The following NCS1 variants were observed in gnomAD, a reference collection of about 807,000 sequenced individuals.
NCS1 encodes the protein frequenin homolog.
Under a neutral mutation model 28.4 loss-of-function variants are expected in NCS1, and 6 were observed. The ratio of observed to expected loss-of-function variants is 0.21; its 90% confidence interval spans 0.12 to 0.42. The LOEUF is 0.42. Among genes scored for constraint, NCS1 ranks in the 10% least tolerant of loss-of-function variants. The probability of loss-of-function intolerance (pLI) is 1.00; values close to 1 mark genes in which losing one functional copy is unlikely to be tolerated. For missense variants in NCS1, 131 were observed against 241.4 expected (o/e 0.54, Z 3.03); for synonymous variants, 86 against 99.3 (o/e 0.87, Z 0.79).
At chr9:130,225,395 A>C (rs1175836158) in intron 6 of NCS1, among the ~76,000 whole-genome samples, 1 of 152,250 alleles carries the variant, frequency 6.6e-6, no homozygotes, top group Non-Finnish European at 1.5e-5. Flanking sequence ...TAATGATCAA[A>C]AGATTTATCG....
At chr9:130,198,741 C>T (rs962627060) in intron 1 of NCS1, among the ~76,000 whole-genome samples, 10 of 152,172 alleles carry the variant, frequency 6.6e-5, no homozygotes, top group Admixed American at 6.5e-4. Context: ...AGCAATTTGC[C>T]CAAGGACACA....
At chr9:130,225,942 G>A (rs1283016486) in intron 6 of NCS1, among the ~76,000 whole-genome samples, 15 of 152,102 alleles carry the variant, frequency 9.9e-5, no homozygotes, top group Admixed American at 9.2e-4. Context: ...GCCCCCTGCC[G>A]GGTCTCCCAG....
Position 130,191,469 on chromosome 9 carries a change from C to T in NCS1, c.65-9489C>T, listed in dbSNP as rs73545520. 5.7e-3 allele frequency among the ~76,000 whole-genome samples: 868 copies of T among 152,310 alleles called. 8 individuals are homozygous for T. The highest frequency in any genetic ancestry group is 0.019 in the African/African-American group (796 of 41,578). The stretch of plus-strand genomic sequence containing the variant: ...AGCCTTCCTCCCACCAGCCCGGAGG[C>T]TCTGGCATCTTTTACATGGAGGCGA... On this transcript the variant is annotated intron_variant, in intron 1 of 7. Transcript: ENST00000372398. This position sits in a 1 kb window ranked among gnomAD's most constrained non-coding sequence, Gnocchi z 6.4.
At chr9:130,183,309 G>T (rs797037927) in intron 1 of NCS1, among the ~76,000 whole-genome samples, 20 of 114,054 alleles carry the variant, frequency 1.8e-4, no homozygotes, top group East Asian at 1.8e-3. Context: ...ATGCGGCTGG[G>T]GGGGGGAGCT....
At chr9:130,178,832 T>C (rs1832612261) in intron 1 of NCS1, among the ~76,000 whole-genome samples, 1 of 64,842 alleles carries the variant, frequency 1.5e-5, no homozygotes, top group African/African-American at 6.4e-5. Flanking sequence ...TAGGACTTGG[T>C]TTCCCTCCCC....
rs1832735754 is a variant in NCS1, at chr9:130,186,124, C to T, written c.64+13397C>T. 1.3e-5 allele frequency among the ~76,000 whole-genome samples: 2 copies of T among 152,200 alleles called. No individual in the cohort carries two copies. The highest frequency in any genetic ancestry group is 4.1e-4 in the South Asian group (2 of 4,828). On this transcript the variant is annotated intron_variant, in intron 1 of 7. Coordinates refer to ENST00000372398, the MANE Select transcript of NCS1 (RefSeq NM_014286.4). This position sits in a 1 kb window ranked among gnomAD's most constrained non-coding sequence, Gnocchi z 4.1. ...CAAACGGGTTCCTGGGCCACCTTGCCAGCCCTCACTCCTTGATTTAGAGAA... is the reference window on the plus strand; with the variant it reads ...CAAACGGGTTCCTGGGCCACCTTGCTAGCCCTCACTCCTTGATTTAGAGAA...
At chr9:130,200,359 C>T in intron 1 of NCS1, 1 of 578,564 alleles carries the variant, frequency 1.7e-6, no homozygotes, top group Non-Finnish European at 3.1e-6. Context: ...CCAGGCTCAG[C>T]CGCTCTCTGT....
chr9:130,211,968 C>T (rs537210867), intron 2 of NCS1, among the ~76,000 whole-genome samples: 20 of 152,200 alleles, frequency 1.3e-4, no homozygotes, highest in Middle Eastern at 3.4e-3. Context: ...CAGGGAGATG[C>T]TCTGGTGCCG....
chr9:130,178,472 C>G (rs1010741667), intron 1 of NCS1, among the ~76,000 whole-genome samples: 2 of 152,210 alleles, frequency 1.3e-5, no homozygotes, highest in Non-Finnish European at 2.9e-5. Flanking sequence ...GCCTTGGGAT[C>G]GGACCCAGCT....
intron 7 of NCS1, among the ~76,000 whole-genome samples, chr9:130,227,943 T>C (rs1220618061): frequency 6.6e-6 from 1 of 152,186 alleles, no homozygotes; most frequent in Non-Finnish European, 1.5e-5. Flanking sequence ...TTGTCAGCCA[T>C]TGGCCAGGGC....
rs1264112754 is a variant in NCS1, at chr9:130,233,922, C to T, written c.*950C>T. On this transcript the variant is annotated 3_prime_UTR_variant, in exon 8 of 8. Transcript: ENST00000372398. The surrounding 1 kb of genome is among the most constrained non-coding windows in gnomAD (Gnocchi z 4.8). ...GCCAAACCCCTTTTCCCTGCTGCCT[C>T]TGTCCCCGCATCCTTGTTCTCCCCT... is the stretch of plus-strand genomic sequence containing the variant. 1 of 152,240 alleles carries T rather than the reference C, an allele frequency of 6.6e-6. No individual in the cohort carries two copies. Among genetic ancestry groups the T allele is most frequent in the East Asian group, 1.9e-4 (1 of 5,192 alleles). The allele number at this position is 152,240 out of a possible 1,614,324, so 9.4% of individuals were successfully genotyped here. A position where few individuals can be genotyped will look rare whatever the true frequency, so the allele number is the denominator to read the frequency against.
rs1194956156 is a variant in NCS1 at position 130,186,830 on chromosome 9, T to C, written c.64+14103T>C. ...AGAGGGCCTGTGGCCGTGAGGGTGC[T>C]GATGGCGGGAGGGCCCTGATGGCAG... On this transcript the variant is annotated intron_variant, in intron 1 of 7. Transcript: ENST00000372398. The surrounding 1 kb of genome is among the most constrained non-coding windows in gnomAD (Gnocchi z 4.1). 1.3e-5 allele frequency among the ~76,000 whole-genome samples: 2 copies of C among 152,296 alleles called. No individual in the cohort carries two copies. Among genetic ancestry groups the C allele is most frequent in the Admixed American group, 1.3e-4 (2 of 15,298 alleles).
At chr9:130,195,629 G>GGCCA (rs1364674629) in intron 1 of NCS1, among the ~76,000 whole-genome samples, 1 of 152,192 alleles carries the variant, frequency 6.6e-6, no homozygotes, top group Non-Finnish European at 1.5e-5. Flanking sequence ...TCACCATGTT[G>GGCCA]GCCAGGCTGG....
rs4837479 is a variant in NCS1, at chr9:130,177,728, C to T, written c.64+5001C>T. On this transcript the variant is annotated intron_variant, in intron 1 of 7. Coordinates refer to ENST00000372398, the MANE Select transcript of NCS1 (RefSeq NM_014286.4). This position sits in a 1 kb window ranked among gnomAD's most constrained non-coding sequence, Gnocchi z 4.4. ...GTCCCTTGGCCTCTCTGAGCACCAG[C>T]TTGCTCATCCTTCAGACCTGCCTTC... is the stretch of plus-strand genomic sequence containing the variant. Among the ~76,000 whole-genome samples the T allele has an allele frequency of 0.34, 51,486 of 152,156 alleles. 11,740 individuals carry two copies. Among genetic ancestry groups the T allele is most frequent in the East Asian group, 0.66 (3,430 of 5,160 alleles).
rs1312417531 is a variant in NCS1, at chr9:130,180,079, G to A, written c.64+7352G>A. On this transcript the variant is annotated intron_variant, in intron 1 of 7. Transcript: ENST00000372398. The surrounding 1 kb of genome is among the most constrained non-coding windows in gnomAD (Gnocchi z 4.5). ...GATGGAATCTCACTTCCGTCACCCA[G>A]GCTAGAGTGCAGTGGCGCGATCTCG... Among the ~76,000 whole-genome samples, 1 of 152,016 alleles carries A rather than the reference G, an allele frequency of 6.6e-6. No individual in the cohort carries two copies. Among genetic ancestry groups the A allele is most frequent in the Non-Finnish European group, 1.5e-5 (1 of 68,020 alleles).
chr9:130,221,725 C>T (rs1359725516), intron 4 of NCS1, among the ~76,000 whole-genome samples: 1 of 143,288 alleles, frequency 7.0e-6, no homozygotes. Flanking sequence ...AGTCACTGTG[C>T]CTGGCCCTGT....
Position 130,192,986 on chromosome 9 carries a change from A to T in NCS1, c.65-7972A>T, listed in dbSNP as rs1174336239. On this transcript the variant is annotated intron_variant, in intron 1 of 7. Coordinates refer to ENST00000372398, the MANE Select transcript of NCS1 (RefSeq NM_014286.4). The surrounding 1 kb of genome is among the most constrained non-coding windows in gnomAD (Gnocchi z 4.8). ...CTGGGGAAAAAACCGGTCACACAGC[A>T]ACGGAGTGGCAGATCCCTGGAGTCC... Among the ~76,000 whole-genome samples the T allele has an allele frequency of 9.2e-5, 14 of 152,226 alleles. No homozygotes were observed. Among genetic ancestry groups the T allele is most frequent in the African/African-American group, 3.4e-4 (14 of 41,474 alleles).
rs73545564 is a variant in NCS1, at chr9:130,207,772, G to A, written c.89+6790G>A. Among the ~76,000 whole-genome samples, 467 of 152,348 alleles carry A rather than the reference G, an allele frequency of 3.1e-3. 3 individuals carry two copies. The highest frequency in any genetic ancestry group is 0.011 in the African/African-American group (452 of 41,576). On this transcript the variant is annotated intron_variant, in intron 2 of 7. Coordinates refer to ENST00000372398, the MANE Select transcript of NCS1 (RefSeq NM_014286.4). ...GCATGCTCACCCTGCACCAGGCTCCGCACTGGGCATCCCACGGTGCCAGCT... is the reference window on the plus strand; with the variant it reads ...GCATGCTCACCCTGCACCAGGCTCCACACTGGGCATCCCACGGTGCCAGCT...
At chr9:130,176,140 T>TTCTC (rs1491414067) in intron 1 of NCS1, among the ~76,000 whole-genome samples, 1 of 35,544 alleles carries the variant, frequency 2.8e-5, no homozygotes, top group Non-Finnish European at 5.2e-5. Context: ...TTTGTTCATT[T>TTCTC]TCTTTCTTTC....
Sources: gnomAD v4.1 joint callset for allele counts (sites outside exome capture counted in the v4.1 genomes callset) on GRCh38, gnomAD v4.1.1 for gene constraint, Gnocchi (gnomAD v3.1) non-coding constraint, MANE v1.5 for transcripts, NCBI Gene and HGNC (gene_info 2026-07-23, HGNC 2026-07-21) for gene names.